The following RARB variants were observed in gnomAD, a reference collection of about 807,000 sequenced individuals.
The protein encoded by RARB is HBV-activated protein.
In RARB, 17 loss-of-function variants were observed where a neutral mutation model predicts 51.9. The observed-to-expected ratio is 0.33, with a 90% CI of 0.22 to 0.49. The LOEUF is 0.49. Among genes scored for constraint, RARB ranks in the 20% least tolerant of loss-of-function variants. The probability of loss-of-function intolerance (pLI) is 0.99; values close to 1 mark genes in which losing one functional copy is unlikely to be tolerated. For synonymous variants in RARB, 215 were observed against 195.4 expected (o/e 1.10, Z -0.84); for missense variants, 369 against 550.8 (o/e 0.67, Z 3.30).
intron 3 of RARB, among the ~76,000 whole-genome samples, chr3:25,546,271 C>T (rs1699611893): frequency 6.6e-6 from 1 of 152,204 alleles, no homozygotes; most frequent in African/African-American, 2.4e-5. Context: ...TCTCTTACTT[C>T]AATGGCATCA....
intron 4 of RARB, among the ~76,000 whole-genome samples, chr3:25,142,326 C>G (rs760847927): frequency 1.3e-5 from 2 of 152,042 alleles, no homozygotes; most frequent in Non-Finnish European, 2.9e-5. Context: ...AAGAGCAAGA[C>G]TCCATCTCAA....
At chr3:24,917,110 T>C (rs1695123433) in intron 2 of RARB, among the ~76,000 whole-genome samples, 1 of 152,342 alleles carries the variant, frequency 6.6e-6, no homozygotes, top group African/African-American at 2.4e-5. Flanking sequence ...AAAAATTTTA[T>C]AATGAAGTCT....
At chr3:25,589,480 C>T (rs572274868) in intron 5 of RARB, among the ~76,000 whole-genome samples, 1 of 152,236 alleles carries the variant, frequency 6.6e-6, no homozygotes, top group East Asian at 1.9e-4. Context: ...GTGGATTGAC[C>T]GCATAGTACT....
intron 2 of RARB, among the ~76,000 whole-genome samples, chr3:25,482,686 C>T (rs139325226): frequency 4.0e-5 from 6 of 151,648 alleles, no homozygotes; most frequent in Non-Finnish European, 7.4e-5. Context: ...ACTACAGGCG[C>T]GTGCCACCAT....
At chr3:25,024,566 A>G (rs1697702948) in intron 2 of RARB, among the ~76,000 whole-genome samples, 1 of 152,208 alleles carries the variant, frequency 6.6e-6, no homozygotes, top group South Asian at 2.1e-4. Context: ...CCAATAAAGC[A>G]ACCTAAAATA....
At chr3:24,890,496 C>A in intron 2 of RARB, among the ~76,000 whole-genome samples, 1 of 152,126 alleles carries the variant, frequency 6.6e-6, no homozygotes, top group South Asian at 2.1e-4. Flanking sequence ...TACCTGTAAT[C>A]CTAACAAGTT....
intron 2 of RARB, among the ~76,000 whole-genome samples, chr3:25,009,552 C>T (rs1443269757): frequency 6.6e-6 from 1 of 151,960 alleles, no homozygotes; most frequent in Non-Finnish European, 1.5e-5. Context: ...CAGGTCATTC[C>T]CTTAGGAGTA....
intron 2 of RARB, among the ~76,000 whole-genome samples, chr3:24,997,435 G>A (rs1697065787): frequency 1.3e-5 from 2 of 151,242 alleles, no homozygotes; most frequent in Admixed American, 6.6e-5. Context: ...TACTCAATTT[G>A]CATTCATGGC....
chr3:24,961,453 A>C (rs1017523261), intron 2 of RARB, among the ~76,000 whole-genome samples: 3 of 152,238 alleles, frequency 2.0e-5, no homozygotes, highest in African/African-American at 7.2e-5. Flanking sequence ...TCACATTACA[A>C]TTGGCTGTTC....
intron 5 of RARB, among the ~76,000 whole-genome samples, chr3:25,309,282 C>A (rs1457997875): frequency 1.3e-5 from 2 of 150,368 alleles, no homozygotes; most frequent in Non-Finnish European, 3.0e-5. Context: ...CTACAGGCAC[C>A]CGCCATCATG....
chr3:24,844,784 G>C (rs1454954172), intron 1 of RARB, among the ~76,000 whole-genome samples: 1 of 152,116 alleles, frequency 6.6e-6, no homozygotes, highest in African/African-American at 2.4e-5. Context: ...CTGCGATCTG[G>C]AACCTGCTTC....
At chr3:25,433,573 C>T (rs1339870081) in intron 1 of RARB, among the ~76,000 whole-genome samples, 6 of 152,100 alleles carry the variant, frequency 3.9e-5, no homozygotes, top group Non-Finnish European at 8.8e-5. Flanking sequence ...CTGTATCAGC[C>T]CTTGCCAGCT....
intron 1 of RARB, among the ~76,000 whole-genome samples, chr3:24,855,654 GGATT>G (rs1186240630): frequency 2.6e-5 from 4 of 151,710 alleles, no homozygotes; most frequent in Non-Finnish European, 5.9e-5. Context: ...CATGTTATAT[GGATT>G]GTTTAAAAAA....
chr3:25,564,663 A>G (rs1700416232), intron 3 of RARB, among the ~76,000 whole-genome samples: 1 of 152,130 alleles, frequency 6.6e-6, no homozygotes, highest in Admixed American at 6.5e-5. Context: ...TGTGGGTCGG[A>G]TCTTGTATTA....
chr3:25,275,596 C>T (rs1041408674), intron 5 of RARB, among the ~76,000 whole-genome samples: 3 of 152,346 alleles, frequency 2.0e-5, no homozygotes, highest in African/African-American at 7.2e-5. Flanking sequence ...CCTGCATATT[C>T]AAGAACTATC....
intron 5 of RARB, among the ~76,000 whole-genome samples, chr3:25,351,379 C>T (rs1024818559): frequency 1.3e-5 from 2 of 152,056 alleles, no homozygotes; most frequent in African/African-American, 4.8e-5. Context: ...TGCTCATCCT[C>T]CTGTCCCTGC....
At chr3:25,425,871 A>C (rs1707973572), upstream of RARB, among the ~76,000 whole-genome samples, 1 of 152,130 alleles carries the variant, frequency 6.6e-6, no homozygotes, top group Non-Finnish European at 1.5e-5. Flanking sequence ...CTCTTTGGAG[A>C]GATGTTAAGC....
chr3:25,329,589 A>G (rs1052881622), intron 5 of RARB, among the ~76,000 whole-genome samples: 5 of 152,320 alleles, frequency 3.3e-5, no homozygotes, highest in East Asian at 1.9e-4. Context: ...AATTCTAAAA[A>G]TCAGACTGCC....
chr3:25,550,366 C>T (rs1699798757), intron 3 of RARB, among the ~76,000 whole-genome samples: 1 of 152,086 alleles, frequency 6.6e-6, no homozygotes, highest in African/African-American at 2.4e-5. Flanking sequence ...ATTTATTTCT[C>T]CCAGTTCTGA....
Sources: gnomAD v4.1 joint callset for allele counts (sites outside exome capture counted in the v4.1 genomes callset) on GRCh38, gnomAD v4.1.1 for gene constraint, MANE v1.5 for transcripts, NCBI Gene and HGNC (gene_info 2026-07-23, HGNC 2026-07-21) for gene names.